CUBN: variants seen among roughly 807,000 people sequenced by gnomAD.
The protein encoded by CUBN is 460 kDa receptor.
Under a neutral mutation model 405.3 loss-of-function variants are expected in CUBN, and 282 were observed. The ratio of observed to expected loss-of-function variants is 0.70; its 90% confidence interval spans 0.63 to 0.77. The LOEUF is 0.77. CUBN is among the 30% of genes least tolerant of loss of function. The pLI is 0.00. For synonymous variants in CUBN, 1,684 were observed against 1,617.0 expected (o/e 1.04, Z -0.99); for missense variants, 4,514 against 4,475.2 (o/e 1.01, Z -0.25).
At chr10:17,110,875 C>T in intron 9 of CUBN, 44 bp downstream of exon 9, 2 of 1,613,920 alleles carry the variant, frequency 1.2e-6, no homozygotes. Flanking sequence ...TGTCTGTGTT[C>T]CCTGTGCTGG....
rs1030581381 is a variant in CUBN at position 17,088,969 on chromosome 10, C to T, written c.1766-624G>A. Among the ~76,000 whole-genome samples, 6 of 152,136 alleles carry T rather than the reference C, an allele frequency of 3.9e-5. 1 individual carries two copies. The highest frequency in any genetic ancestry group is 2.6e-4 in the Admixed American group (4 of 15,274). ...CACATCGGCCCCCTAACGTTGCTGA[C>T]TAGTGACTGGAAGAACCTGCTCTTC... On this transcript the variant is annotated intron_variant, in intron 14 of 66. Transcript: ENST00000377833.
At position 16,831,388 on chromosome 10, in the gene CUBN, T is replaced by A. The variant is rs1838987420; in HGVS notation, c.10392A>T (p.Pro3464=). ...EVRNGSNSNS[P]LLGKYCGTLL... Reference sequence around the variant, plus strand: ...GAGTTCCACAGTACTTGCCCAGTAATGGTGAATTGCTGTTACTTCCATTTC... The same window carrying A: ...GAGTTCCACAGTACTTGCCCAGTAAAGGTGAATTGCTGTTACTTCCATTTC... Residue 3464 remains proline (P), a synonymous_variant, in exon 65 of 67, where the codon CCA becomes CCT. Coordinates refer to ENST00000377833, the MANE Select transcript of CUBN (RefSeq NM_001081.4). The A allele has an allele frequency of 6.2e-7, 1 of 1,613,974 alleles. No individual in the cohort carries two copies. The highest frequency in any genetic ancestry group is 1.3e-5 in the African/African-American group (1 of 74,936).
intron 2 of CUBN, among the ~76,000 whole-genome samples, chr10:17,128,903 C>T (rs1298697688): frequency 6.6e-6 from 1 of 152,100 alleles, no homozygotes; most frequent in Non-Finnish European, 1.5e-5. Context: ...GAGAACAATT[C>T]ATATGTTCTT....
chr10:16,887,824 T>G (rs1840865465), intron 56 of CUBN, among the ~76,000 whole-genome samples: 1 of 152,216 alleles, frequency 6.6e-6, no homozygotes, highest in South Asian at 2.1e-4. Context: ...GGAATGGACC[T>G]GAGTGTCCAC....
At chr10:16,859,442 T>A (rs1282993284) in intron 59 of CUBN, among the ~76,000 whole-genome samples, 1 of 151,998 alleles carries the variant, frequency 6.6e-6, no homozygotes, top group Non-Finnish European at 1.5e-5. Context: ...AAAATAAAAT[T>A]AAATAACAAC....
At chr10:17,126,866 C>T in intron 3 of CUBN, 67 bp from the exon 4 acceptor site, 5 of 1,526,718 alleles carry the variant, frequency 3.3e-6, no homozygotes, top group Admixed American at 1.7e-5. Flanking sequence ...ATGTTATATC[C>T]TTGACATATT....
intron 31 of CUBN, among the ~76,000 whole-genome samples, chr10:16,966,995 G>A (rs541422825): frequency 1.3e-5 from 2 of 152,238 alleles, no homozygotes; most frequent in East Asian, 3.9e-4. Context: ...CCAAAATAGA[G>A]GAAACATTAA....
chr10:16,874,454 G>C lies in CUBN; in HGVS notation c.9156C>G (p.Ala3052=). 1 of 1,613,726 alleles carries C rather than the reference G, an allele frequency of 6.2e-7. No homozygotes were observed. The highest frequency in any genetic ancestry group is 8.5e-7 in the Non-Finnish European group (1 of 1,179,654). The change falls in exon 58 of 67, where the codon GCC becomes GCG. Residue 3052 remains alanine, a synonymous_variant. Coordinates refer to ENST00000377833, the MANE Select transcript of CUBN (RefSeq NM_001081.4). ...NFSSGIITSP[A]YSYADYPNDM... ...CATTTGGGTAGTCTGCGTATGAATA[G>C]GCAGGACTTGTGATGATTCCAGAAG... is the stretch of plus-strand genomic sequence containing the variant.
At position 17,129,150 on chromosome 10, in the gene CUBN, C is replaced by A; in HGVS notation, c.223G>T (p.Asp75Tyr). The A allele has an allele frequency of 6.2e-7, 1 of 1,613,152 alleles. No individual in the cohort carries two copies. ...TGTAAACACTCACTGAGATCTTCAT[C>A]ATTTAATTTAATTTTTCCCAGGGAT... ...TGSLGKIKLNDEDLSECLHQI... is the reference protein window; with the variant it reads ...TGSLGKIKLNYEDLSECLHQI... The change falls in exon 2 of 67, where the codon GAT becomes TAT. Residue 75 changes from aspartate to tyrosine, a missense_variant. Transcript: ENST00000377833.
At chr10:16,954,163 T>A (rs1842990045) in intron 32 of CUBN, among the ~76,000 whole-genome samples, 1 of 152,210 alleles carries the variant, frequency 6.6e-6, no homozygotes, top group Non-Finnish European at 1.5e-5. Flanking sequence ...AAAAGCACTT[T>A]TAAACTTGTT....
chr10:17,053,433 A>G (rs944231408), intron 22 of CUBN, among the ~76,000 whole-genome samples: 20 of 152,088 alleles, frequency 1.3e-4, no homozygotes, highest in African/African-American at 4.8e-4. Flanking sequence ...CACTGAAATA[A>G]TATCAAACAA....
intron 36 of CUBN, among the ~76,000 whole-genome samples, chr10:16,942,879 G>GGAAGA: frequency 6.7e-6 from 1 of 150,228 alleles, no homozygotes; most frequent in Admixed American, 6.6e-5. Flanking sequence ...GGAAGGGAAG[G>GGAAGA]GAGGGGAACG....
chr10:16,963,146 C>A (rs1222613809), intron 31 of CUBN, among the ~76,000 whole-genome samples: 1 of 150,648 alleles, frequency 6.6e-6, no homozygotes, highest in Non-Finnish European at 1.5e-5. Flanking sequence ...TCATTTCGTT[C>A]CAGAAATTCT....
Position 16,877,043 on chromosome 10 carries a change from C to A in CUBN, c.8960G>T (p.Gly2987Val), listed in dbSNP as rs1168239614. 3 of 1,614,020 alleles carry A rather than the reference C, an allele frequency of 1.9e-6. No homozygotes were observed. Among genetic ancestry groups the A allele is most frequent in the East Asian group, 2.2e-5 (1 of 44,890 alleles). The change falls in exon 57 of 67, where the codon GGT (glycine) becomes GTT (valine). Residue 2987 changes from glycine to valine, a missense_variant. Physicochemically the swap from Gly to Val is moderately radical, Grantham distance 109 (BLOSUM62 -3). This residue lies in a region of CUBN where 1,186 missense variants were observed against 1,186.9 expected (regional missense o/e 1.00). Coordinates refer to ENST00000377833, the MANE Select transcript of CUBN (RefSeq NM_001081.4). ...CVNDGVHIIRGYSVMSTPFAT... is the reference protein window; with the variant it reads ...CVNDGVHIIRVYSVMSTPFAT... ...AAATGGGGTGGACATGACGCTGTAA[C>A]CTCTGATAATGTGCACGCCATCGTT...
At chr10:17,026,541 G>A (rs572867419) in intron 27 of CUBN, among the ~76,000 whole-genome samples, 1 of 151,976 alleles carries the variant, frequency 6.6e-6, no homozygotes, top group Non-Finnish European at 1.5e-5. Flanking sequence ...ACTGAGGCAG[G>A]AGAATCACTT....
In CUBN at chr10:16,869,779, G is replaced by A; in HGVS notation, c.9311C>T (p.Thr3104Ile). 1 of 1,614,094 alleles carries A rather than the reference G, an allele frequency of 6.2e-7. No homozygotes were observed. Among genetic ancestry groups the A allele is most frequent in the Admixed American group, 1.7e-5 (1 of 60,018 alleles). Residue 3104 changes from threonine to isoleucine, a missense_variant, in exon 59 of 67, where the codon ACC (threonine) becomes ATC (isoleucine). By Grantham distance (89) the Thr-to-Ile change is moderately conservative. Coordinates refer to ENST00000377833, the MANE Select transcript of CUBN (RefSeq NM_001081.4). The stretch of plus-strand genomic sequence containing the variant: ...GAATTTGCCAAGAAGGGGATCGCTG[G>A]TATTGGCACCATCGTAAATTGCCAG... ...DYLAIYDGAN[T>I]SDPLLGKFCG... is the part of the protein sequence containing the mutation.
intron 22 of CUBN, among the ~76,000 whole-genome samples, chr10:17,049,399 GA>G (rs1386651995): frequency 5.9e-5 from 9 of 152,170 alleles, no homozygotes; most frequent in African/African-American, 2.2e-4. Context: ...TGTACTCCTG[GA>G]GGGGAAATAC....
chr10:16,947,192 G>T (rs779435338), intron 36 of CUBN, 43 bp downstream of exon 36: 2 of 1,606,818 alleles, frequency 1.2e-6, no homozygotes, highest in Non-Finnish European at 1.7e-6. Context: ...CTTTCCTACA[G>T]ATTCATTAGC....
Position 16,898,923 on chromosome 10 carries a change from G to T in CUBN, c.8598+73C>A, listed in dbSNP as rs1841275321. ...AAATTTTCTTACTTTGAGCGACAAT[G>T]AATCATTTCTAGCTTAAACACTAAT... On this transcript the variant is annotated intron_variant, in intron 54 of 66. Transcript: ENST00000377833. 29 of 1,148,322 alleles carry T rather than the reference G, an allele frequency of 2.5e-5. No individual in the cohort carries two copies. In the South Asian group the frequency reaches 2.8e-4, roughly 11 times the overall value. The allele number at this position is 1,148,322 out of a possible 1,614,324, so 71.1% of individuals were successfully genotyped here.
Sources: gnomAD v4.1 joint callset for allele counts (sites outside exome capture counted in the v4.1 genomes callset) on GRCh38, gnomAD v4.1.1 for gene constraint, gnomAD v4.1.1 regional missense constraint, MANE v1.5 for transcripts, NCBI Gene and HGNC (gene_info 2026-07-23, HGNC 2026-07-21) for gene names.